SWAP70: variants seen among roughly 807,000 people sequenced by gnomAD.
SWAP70 encodes switch-associated protein 70.
SWAP70 carries 34 observed loss-of-function variants against 80.2 expected under a neutral mutation model. The ratio of observed to expected loss-of-function variants is 0.42; its 90% CI spans 0.32 to 0.56. The LOEUF is 0.56. SWAP70 is among the 20% of genes least tolerant of loss of function. The pLI is 0.09. For missense variants in SWAP70, 578 were observed against 690.7 expected (o/e 0.84, Z 1.83); for synonymous variants, 239 against 238.5 (o/e 1.00, Z -0.02).
chr11:9,730,620 G>A (rs148601563), intron 6 of SWAP70, among the ~76,000 whole-genome samples: 1 of 152,140 alleles, frequency 6.6e-6, no homozygotes, highest in East Asian at 1.9e-4. Flanking sequence ...TTTTAAAGTG[G>A]CCATCTTGAG....
intron 2 of SWAP70, among the ~76,000 whole-genome samples, chr11:9,695,846 G>A (rs1186311678): frequency 1.3e-5 from 2 of 152,058 alleles, no homozygotes; most frequent in Admixed American, 1.3e-4. Flanking sequence ...CCAGGCTGGA[G>A]TTCAGTGGCA....
intron 2 of SWAP70, among the ~76,000 whole-genome samples, chr11:9,704,781 C>T (rs766552826): frequency 2.6e-5 from 4 of 152,132 alleles, no homozygotes; most frequent in African/African-American, 4.8e-5. Context: ...TTAGAGACTA[C>T]GTATGTCTTA....
At chr11:9,675,320 C>CGAGAGAGAGACAGAGGGAGTGAGA (rs1565111546) in intron 1 of SWAP70, among the ~76,000 whole-genome samples, 1 of 31,464 alleles carries the variant, frequency 3.2e-5, no homozygotes, top group Non-Finnish European at 1.0e-4. Flanking sequence ...AGAGAGGGAG[C>CGAGAGAGAGACAGAGGGAGTGAGA]GAGAGAGAGA....
intron 1 of SWAP70, 89 bp downstream of exon 1, chr11:9,664,367 GA>G: frequency 7.0e-7 from 1 of 1,427,894 alleles, no homozygotes; most frequent in Non-Finnish European, 9.5e-7. Context: ...GGCGGGCCGT[GA>G]CCGCAGGGCG....
intron 3 of SWAP70, among the ~76,000 whole-genome samples, chr11:9,719,508 AC>A (rs1851109132): frequency 6.6e-6 from 1 of 152,082 alleles, no homozygotes; most frequent in Non-Finnish European, 1.5e-5. Flanking sequence ...AGATCGTGCC[AC>A]TGGGCAACAA....
intron 2 of SWAP70, among the ~76,000 whole-genome samples, chr11:9,702,548 G>C (rs1196460766): frequency 6.6e-6 from 1 of 151,782 alleles, no homozygotes; most frequent in African/African-American, 2.4e-5. Context: ...AGTAGCTTGG[G>C]GAGTAGCTGG....
chr11:9,683,790 C>A (rs1247865164), intron 1 of SWAP70, among the ~76,000 whole-genome samples: 1 of 152,202 alleles, frequency 6.6e-6, no homozygotes, highest in Admixed American at 6.5e-5. Flanking sequence ...TGGAGGCTAT[C>A]AGCTTAACAC....
intron 1 of SWAP70, among the ~76,000 whole-genome samples, chr11:9,674,002 C>T (rs962039015): frequency 1.3e-5 from 2 of 152,212 alleles, no homozygotes; most frequent in Non-Finnish European, 2.9e-5. Flanking sequence ...TGGGTTCAAG[C>T]GATTCTCCTA....
intron 1 of SWAP70, chr11:9,680,853 AAGGATAT>A (rs1850558325): frequency 6.6e-6 from 1 of 152,200 alleles, no homozygotes; most frequent in South Asian, 2.1e-4. Flanking sequence ...AAATAGAGAA[AAGGATAT>A]AGACAGTTGC....
intron 1 of SWAP70, among the ~76,000 whole-genome samples, chr11:9,686,807 A>C (rs1187833555): frequency 2.6e-5 from 4 of 152,102 alleles, no homozygotes; most frequent in Non-Finnish European, 5.9e-5. Context: ...AGATGTTTTA[A>C]ATGTTTTTAA....
chr11:9,666,724 A>AT lies in SWAP70; in HGVS notation c.99+2464dup, dbSNP rs58246147. Among the ~76,000 whole-genome samples, 160 of 106,244 alleles carry AT rather than the reference A, an allele frequency of 1.5e-3. 3 individuals carry two copies. Among genetic ancestry groups the AT allele is most frequent in the African/African-American group, 4.9e-3 (147 of 30,106 alleles). The allele number at this position is 106,244 out of a possible 152,430, so 69.7% of individuals were successfully genotyped here. On this transcript the variant is annotated intron_variant, in intron 1 of 11. Coordinates refer to ENST00000318950, the MANE Select transcript of SWAP70 (RefSeq NM_015055.4). Reference sequence around the variant, plus strand: ...CCAGATATTCCCAGATGACCTCTTAATTTTTTTTTTTTTTTTTTGAGCCGG... The same window carrying AT: ...CCAGATATTCCCAGATGACCTCTTAATTTTTTTTTTTTTTTTTTTGAGCCGG...
chr11:9,667,408 G>GCT (rs1850321922), intron 1 of SWAP70, among the ~76,000 whole-genome samples: 1 of 151,816 alleles, frequency 6.6e-6, no homozygotes, highest in South Asian at 2.1e-4. Flanking sequence ...GAGCCACCAT[G>GCT]CTCAGTTCAT....
chr11:9,751,691 G>C lies in SWAP70; in HGVS notation c.*1721G>C, dbSNP rs1035940680. ...TCAGTGTATGTATTTATTTACATGA[G>C]AGGAAACTGGAATATAATCCCATAA... On this transcript the variant is annotated 3_prime_UTR_variant, in exon 12 of 12. Coordinates refer to ENST00000318950, the MANE Select transcript of SWAP70 (RefSeq NM_015055.4). The C allele has an allele frequency of 4.5e-5, 2 of 44,202 alleles. No individual in the cohort carries two copies. The highest frequency in any genetic ancestry group is 4.4e-4 in the East Asian group (1 of 2,290). The allele number at this position is 44,202 out of a possible 1,614,324, so 2.7% of individuals were successfully genotyped here.
chr11:9,698,434 G>C (rs189215135), intron 2 of SWAP70, among the ~76,000 whole-genome samples: 3 of 151,586 alleles, frequency 2.0e-5, no homozygotes, highest in Admixed American at 6.6e-5. Flanking sequence ...GTCTCTCTTT[G>C]TCCCCCAGGC....
intron 1 of SWAP70, among the ~76,000 whole-genome samples, chr11:9,680,202 A>G (rs1850549840): frequency 6.6e-6 from 1 of 152,222 alleles, no homozygotes; most frequent in Non-Finnish European, 1.5e-5. Flanking sequence ...AGAAGATAAT[A>G]CATGAAATGA....
At chr11:9,731,854 C>G (rs938211076) in intron 6 of SWAP70, among the ~76,000 whole-genome samples, 2 of 152,042 alleles carry the variant, frequency 1.3e-5, no homozygotes, top group African/African-American at 4.8e-5. Context: ...GGGAGACTTT[C>G]CTGTGTGTCT....
chr11:9,697,076 T>C (rs1302524648), intron 2 of SWAP70, among the ~76,000 whole-genome samples: 4 of 151,912 alleles, frequency 2.6e-5, no homozygotes, highest in Admixed American at 2.6e-4. Context: ...ATTAAAAAAA[T>C]TTTAAAAACT....
intron 2 of SWAP70, among the ~76,000 whole-genome samples, chr11:9,709,462 C>CT (rs1286430490): frequency 6.6e-6 from 1 of 152,186 alleles, no homozygotes; most frequent in Non-Finnish European, 1.5e-5. Flanking sequence ...TTGATATTTA[C>CT]TAGCCATGTG....
chr11:9,711,908 C>A (rs1024778164), intron 2 of SWAP70, among the ~76,000 whole-genome samples: 15 of 152,224 alleles, frequency 9.9e-5, no homozygotes, highest in African/African-American at 3.6e-4. Context: ...CCCTCCAGCA[C>A]CAGGTGCCCC....
Sources: gnomAD v4.1 joint callset for allele counts (sites outside exome capture counted in the v4.1 genomes callset) on GRCh38, gnomAD v4.1.1 for gene constraint, MANE v1.5 for transcripts, NCBI Gene and HGNC (gene_info 2026-07-23, HGNC 2026-07-21) for gene names.